The following COX19 variants were observed in gnomAD, a reference collection of about 807,000 sequenced individuals.
COX19 encodes the protein cytochrome c oxidase assembly factor COX19.
A neutral mutation model predicts 6.8 loss-of-function variants in COX19; 8 were observed. The observed-to-expected ratio is 1.18, with a 90% CI of 0.69 to 2.12. The LOEUF is 2.12. COX19 is among the 30% of genes most tolerant of loss of function. The pLI is 0.00. For synonymous variants in COX19, 51 were observed against 38.0 expected, an observed-to-expected ratio of 1.34 and a Z score of -1.26; for missense variants, 131 against 104.6, an observed-to-expected ratio of 1.25 and a Z score of -1.10.
chr7:973,616 A>G (rs1483378713), intron 1 of COX19, among the ~76,000 whole-genome samples: 1 of 152,112 alleles, frequency 6.6e-6, no homozygotes, highest in Non-Finnish European at 1.5e-5. Flanking sequence ...GGCTGCAGTG[A>G]GCTTGATCAC....
At chr7:972,949 G>T (rs757389947) in intron 2 of COX19, 6 of 288,716 alleles carry the variant, frequency 2.1e-5, no homozygotes, top group African/African-American at 4.3e-5. Context: ...TCTCAGGAAT[G>T]CAATCATGTA....
At chr7:971,304 C>T (rs956656287) in intron 2 of COX19, among the ~76,000 whole-genome samples, 1 of 152,306 alleles carries the variant, frequency 6.6e-6, no homozygotes, top group Admixed American at 6.5e-5. Context: ...CCTCAAGAGA[C>T]AACTTTAAAA....
intron 1 of COX19, 147 bp downstream of exon 1, chr7:975,281 G>A: frequency 1.6e-6 from 1 of 606,544 alleles, no homozygotes; most frequent in Non-Finnish European, 2.8e-6. Context: ...AGTGACCCAG[G>A]GCTGGGTGGG....
At position 975,485 on chromosome 7, in the gene COX19, T is replaced by A. The variant is rs770842621; in HGVS notation, c.25A>T (p.Thr9Ser). Residue 9 changes from threonine (T) to serine (S), a missense_variant, in exon 1 of 3, where the codon ACC becomes TCC. Coordinates refer to ENST00000344111, the MANE Select transcript of COX19 (RefSeq NM_001031617.3). Reference sequence around the variant, plus strand: ...GGGGGCCGCGGCTGGAAGCTCTTGGTCCCGAAATTCATGGCGGTCGACATG... The same window carrying A: ...GGGGGCCGCGGCTGGAAGCTCTTGGACCCGAAATTCATGGCGGTCGACATG... The part of the protein sequence containing the change: MSTAMNFG[T>S]KSFQPRPPDK... 1 of 1,603,412 alleles carries A rather than the reference T, an allele frequency of 6.2e-7. No individual in the cohort carries two copies. Among genetic ancestry groups the A allele is most frequent in the East Asian group, 2.3e-5 (1 of 43,606 alleles).
At chr7:970,203 C>T (rs557917038) in intron 2 of COX19, among the ~76,000 whole-genome samples, 5 of 151,966 alleles carry the variant, frequency 3.3e-5, no homozygotes, top group African/African-American at 7.2e-5. Context: ...GGTGCAATCT[C>T]GGCTCACTGC....
intron 2 of COX19, 29 bp from the exon 3 acceptor site, chr7:969,485 C>A (rs767704596): frequency 2.0e-6 from 3 of 1,478,546 alleles, no homozygotes; most frequent in Non-Finnish European, 9.4e-7. Flanking sequence ...GCTGTCAGGG[C>A]GGGAGGTGCA....
chr7:971,196 C>T (rs1583203332), intron 2 of COX19, among the ~76,000 whole-genome samples: 1 of 152,208 alleles, frequency 6.6e-6, no homozygotes, highest in Admixed American at 6.5e-5. Flanking sequence ...CAGGACAGGA[C>T]GCGAACTTCT....
At chr7:971,448 T>C (rs1449564539) in intron 2 of COX19, among the ~76,000 whole-genome samples, 2 of 151,606 alleles carry the variant, frequency 1.3e-5, no homozygotes, top group Non-Finnish European at 2.9e-5. Flanking sequence ...TTATGGGAGG[T>C]AGACTCCTCA....
chr7:966,315 G>A lies in COX19; in HGVS notation c.*3063C>T, dbSNP rs905581819. The A allele has an allele frequency of 4.6e-5, 7 of 151,892 alleles. No homozygotes were observed. Among genetic ancestry groups the A allele is most frequent in the East Asian group, 1.9e-4 (1 of 5,150 alleles). 9.4% of individuals were successfully genotyped at this position (151,892 alleles called of 1,614,324 possible). On this transcript the variant is annotated 3_prime_UTR_variant, in exon 3 of 3. Transcript: ENST00000344111. ...ACTACAGGCGGGTGACACCACGCAC[G>A]GCTGACTTTTCTTGTTTTGTAGAGA... is the stretch of plus-strand genomic sequence containing the variant.
chr7:968,707 G>A lies in COX19; in HGVS notation c.*671C>T, dbSNP rs1022095932. 2 of 152,276 alleles carry A rather than the reference G, an allele frequency of 1.3e-5. No homozygotes were observed. Among genetic ancestry groups the A allele is most frequent in the African/African-American group, 4.8e-5 (2 of 41,462 alleles). 9.4% of individuals were successfully genotyped at this position (152,276 alleles called of 1,614,324 possible). A position where few individuals can be genotyped will look rare whatever the true frequency, so the allele number is the denominator to read the frequency against. ...GGCTGGCACAGAAGACAGCTGGTGC[G>A]AGCCTAACTGCAAATGGACTCAGGT... On this transcript the variant is annotated 3_prime_UTR_variant, in exon 3 of 3. Transcript: ENST00000344111.
At position 965,978 on chromosome 7, in the gene COX19, T is replaced by C. The variant is rs1163791571; in HGVS notation, c.*3400A>G. On this transcript the variant is annotated 3_prime_UTR_variant, in exon 3 of 3. Coordinates refer to ENST00000344111, the MANE Select transcript of COX19 (RefSeq NM_001031617.3). ...AATCTGCACCTGTCACCAGTGTGGT[T>C]TCTGCAACAGCAGTTTCCTGTTCCC... The C allele has an allele frequency of 6.6e-6, 1 of 152,188 alleles. No homozygotes were observed. The highest frequency in any genetic ancestry group is 1.5e-5 in the Non-Finnish European group (1 of 68,054). The allele number at this position is 152,188 out of a possible 1,614,324, so 9.4% of individuals were successfully genotyped here.
chr7:972,658 G>A (rs536563457), intron 2 of COX19: 3 of 152,284 alleles, frequency 2.0e-5, no homozygotes, highest in East Asian at 1.9e-4. Context: ...CTACGAACGC[G>A]TTTGTTTTGT....
intron 1 of COX19, chr7:974,878 G>A (rs769742808): frequency 6.6e-6 from 1 of 152,270 alleles, no homozygotes; most frequent in African/African-American, 2.4e-5. Flanking sequence ...GGCTGGTCTC[G>A]AACTCCTGAT....
chr7:965,979 T>G lies in COX19; in HGVS notation c.*3399A>C, dbSNP rs982161238. 2 of 152,210 alleles carry G rather than the reference T, an allele frequency of 1.3e-5. No homozygotes were observed. Among genetic ancestry groups the G allele is most frequent in the African/African-American group, 4.8e-5 (2 of 41,454 alleles). The allele number at this position is 152,210 out of a possible 1,614,324, so 9.4% of individuals were successfully genotyped here. A position where few individuals can be genotyped will look rare whatever the true frequency, so the allele number is the denominator to read the frequency against. On this transcript the variant is annotated 3_prime_UTR_variant, in exon 3 of 3. Coordinates refer to ENST00000344111, the MANE Select transcript of COX19 (RefSeq NM_001031617.3). Reference sequence around the variant, plus strand: ...ATCTGCACCTGTCACCAGTGTGGTTTCTGCAACAGCAGTTTCCTGTTCCCA... The same window carrying G: ...ATCTGCACCTGTCACCAGTGTGGTTGCTGCAACAGCAGTTTCCTGTTCCCA...
rs1847570180 is a variant in COX19 at position 967,269 on chromosome 7, T to C, written c.*2109A>G. On this transcript the variant is annotated 3_prime_UTR_variant, in exon 3 of 3. Transcript: ENST00000344111. The stretch of plus-strand genomic sequence containing the variant: ...TCCGCGGCTTCGGCACCTGCTGGGG[T>C]CTCGGAGCACACCCTGGCCAGGTGA... 1 of 152,084 alleles carries C rather than the reference T, an allele frequency of 6.6e-6. No homozygotes were observed. The highest frequency in any genetic ancestry group is 6.5e-5 in the Admixed American group (1 of 15,270). 9.4% of individuals were successfully genotyped at this position (152,084 alleles called of 1,614,324 possible).
Position 967,108 on chromosome 7 carries a change from T to G in COX19, c.*2270A>C, listed in dbSNP as rs1334443659. On this transcript the variant is annotated 3_prime_UTR_variant, in exon 3 of 3. Transcript: ENST00000344111. Reference sequence around the variant, plus strand: ...GCCAGATGCCGAGGTTGCTAAGATCTCCGGTAAGAACACAGTGCCCATCTG... The same window carrying G: ...GCCAGATGCCGAGGTTGCTAAGATCGCCGGTAAGAACACAGTGCCCATCTG... 2.0e-5 allele frequency: 3 copies of G among 152,174 alleles called. No individual in the cohort carries two copies. Among genetic ancestry groups the G allele is most frequent in the Non-Finnish European group, 4.4e-5 (3 of 68,028 alleles). The allele number at this position is 152,174 out of a possible 1,614,324, so 9.4% of individuals were successfully genotyped here. A position where few individuals can be genotyped will look rare whatever the true frequency, so the allele number is the denominator to read the frequency against.
intron 2 of COX19, 52 bp from the exon 3 acceptor site, chr7:969,508 G>A (rs1335992826): frequency 4.1e-6 from 5 of 1,218,556 alleles, no homozygotes; most frequent in Admixed American, 1.8e-5. Context: ...GAGGACAAGA[G>A]GGGCCCTTGC....
intron 1 of COX19, chr7:975,172 C>A: frequency 2.4e-6 from 1 of 416,986 alleles, no homozygotes; most frequent in East Asian, 3.8e-5. Context: ...CAGGGCGGAG[C>A]CGGAGACCCG....
At position 967,581 on chromosome 7, in the gene COX19, G is replaced by C. The variant is rs1847575994; in HGVS notation, c.*1797C>G. The stretch of plus-strand genomic sequence containing the variant: ...CCTGGGCACTCCCGACGGCGGGTCA[G>C]AGTGCGATGGGAAGAGGCCCCGGCC... On this transcript the variant is annotated 3_prime_UTR_variant, in exon 3 of 3. Transcript: ENST00000344111. The C allele has an allele frequency of 6.6e-6, 1 of 152,266 alleles. No homozygotes were observed. Among genetic ancestry groups the C allele is most frequent in the African/African-American group, 2.4e-5 (1 of 41,460 alleles). The allele number at this position is 152,266 out of a possible 1,614,324, so 9.4% of individuals were successfully genotyped here.
Sources: gnomAD v4.1 joint callset for allele counts (sites outside exome capture counted in the v4.1 genomes callset) on GRCh38, gnomAD v4.1.1 for gene constraint, MANE v1.5 for transcripts, NCBI Gene and HGNC (gene_info 2026-07-23, HGNC 2026-07-21) for gene names.